CTSB: variants seen among roughly 807,000 people sequenced by gnomAD.
CTSB encodes the protein cathepsin B.
In CTSB, 57 loss-of-function variants were observed where a neutral mutation model predicts 44.3. The observed-to-expected ratio is 1.29, with a 90% CI of 1.04 to 1.60. The LOEUF is 1.60. Ranked by LOEUF, CTSB falls within the 40% of genes most tolerant of loss-of-function variation. The pLI is 0.00. For synonymous variants in CTSB, 320 were observed against 168.0 expected, an observed-to-expected ratio of 1.91 and a Z score of -7.00; for missense variants, 768 against 443.0, an observed-to-expected ratio of 1.73 and a Z score of -6.59.
chr8:11,853,213 A>G (rs1814916723), intron 2 of CTSB, 116 bp downstream of exon 2: 2 of 1,417,776 alleles, frequency 1.4e-6, no homozygotes, highest in Non-Finnish European at 1.9e-6. Flanking sequence ...CCATTTTTCA[A>G]CAGTCCAGGA....
At position 11,852,077 on chromosome 8, in the gene CTSB, C is replaced by A. The variant is rs531055548; in HGVS notation, c.212+533G>T. Among the ~76,000 whole-genome samples, 5 of 152,264 alleles carry A rather than the reference C, an allele frequency of 3.3e-5. No individual in the cohort carries two copies. In the South Asian group the frequency reaches 1.0e-3, roughly 32 times the overall value. ...CTGCGGCTGAGACACCTTGGAGAAGCACAATAGAAAACACTGGGGGTGGCT... is the reference window on the plus strand; with the variant it reads ...CTGCGGCTGAGACACCTTGGAGAAGAACAATAGAAAACACTGGGGGTGGCT... On this transcript the variant is annotated intron_variant, in intron 3 of 9. Transcript: ENST00000353047.
chr8:11,868,029 C>T lies in CTSB; in HGVS notation c.-54G>A, dbSNP rs1817435629. 1 of 152,720 alleles carries T rather than the reference C, an allele frequency of 6.5e-6. No individual in the cohort carries two copies. The highest frequency in any genetic ancestry group is 1.5e-5 in the Non-Finnish European group (1 of 68,518). The allele number at this position is 152,720 out of a possible 1,614,324, so 9.5% of individuals were successfully genotyped here. ...GCGCTGCAGCCGAGAGCCTGCAGCC[C>T]AGCCTGCGCGCAGCGGAGCGGTTGG... On this transcript the variant is annotated 5_prime_UTR_variant, in exon 1 of 10. Coordinates refer to ENST00000353047, the MANE Select transcript of CTSB (RefSeq NM_001908.5).
At chr8:11,849,273 C>A (rs540083337) in intron 4 of CTSB, 109 bp from the exon 5 acceptor site, 3 of 736,644 alleles carry the variant, frequency 4.1e-6, no homozygotes, top group African/African-American at 1.7e-5. Context: ...GGCAACTGAT[C>A]TCTCAACACC....
intron 1 of CTSB, among the ~76,000 whole-genome samples, chr8:11,860,231 G>C (rs956915675): frequency 6.6e-6 from 1 of 152,154 alleles, no homozygotes. Context: ...CAAAAAAAGT[G>C]AAAGAATTCT....
At chr8:11,860,516 C>T (rs1360780778) in intron 1 of CTSB, among the ~76,000 whole-genome samples, 1 of 152,082 alleles carries the variant, frequency 6.6e-6, no homozygotes, top group African/African-American at 2.4e-5. Context: ...CCCAACTACT[C>T]GGGAGGCTGA....
chr8:11,845,582 T>G (rs1813145941), intron 9 of CTSB, 79 bp downstream of exon 9: 9 of 1,537,474 alleles, frequency 5.9e-6, no homozygotes, highest in Non-Finnish European at 7.1e-6. Context: ...GTGCGGTGGG[T>G]AGAACAGAGA....
chr8:11,862,988 C>G (rs1369653014), intron 1 of CTSB, among the ~76,000 whole-genome samples: 2 of 152,162 alleles, frequency 1.3e-5, no homozygotes, highest in African/African-American at 4.8e-5. Flanking sequence ...CTGCCAGCCA[C>G]ACATCCTTCT....
chr8:11,846,634 T>TG (rs1554541382), intron 8 of CTSB, among the ~76,000 whole-genome samples: 1 of 151,984 alleles, frequency 6.6e-6, no homozygotes, highest in African/African-American at 2.4e-5. Context: ...AAGAGAAAGA[T>TG]GAAGAAAATG....
rs530833601 is a variant in CTSB, at chr8:11,845,333, GC to G, written c.923-112del. The G allele has an allele frequency of 3.5e-4, 282 of 809,932 alleles. 3 individuals are homozygous for G. The Middle Eastern group carries it at 0.012, about 36-fold the overall frequency. 50.2% of individuals were successfully genotyped at this position (809,932 alleles called of 1,614,324 possible). A position where few individuals can be genotyped will look rare whatever the true frequency, so the allele number is the denominator to read the frequency against. ...TCATCCCTGGCCACTCCTGCTGTTG[GC>G]CCACTAGCACAGTCCTCAACACCAC... On this transcript the variant is annotated intron_variant, in intron 9 of 9. Transcript: ENST00000353047.
At chr8:11,849,753 G>C (rs895224064) in intron 4 of CTSB, among the ~76,000 whole-genome samples, 2 of 151,940 alleles carry the variant, frequency 1.3e-5, no homozygotes, top group Admixed American at 6.6e-5. Context: ...GCTAAGTTTT[G>C]TCTTTTTAGT....
chr8:11,844,909 CTG>C lies in CTSB; in HGVS notation c.*214_*215del, dbSNP rs1812973071. 2 of 567,508 alleles carry C rather than the reference CTG, an allele frequency of 3.5e-6. No homozygotes were observed. Among genetic ancestry groups the C allele is most frequent in the Non-Finnish European group, 6.3e-6 (2 of 317,350 alleles). The allele number at this position is 567,508 out of a possible 1,614,324, so 35.2% of individuals were successfully genotyped here. ...ACTAGTCTACAGGGGGAAGGACGCT[CTG>C]TGCTGGCAGCGGTGGCTCACATGGC... On this transcript the variant is annotated 3_prime_UTR_variant, in exon 10 of 10. Coordinates refer to ENST00000353047, the MANE Select transcript of CTSB (RefSeq NM_001908.5).
At chr8:11,852,791 G>C (rs1340362298) in intron 2 of CTSB, 96 bp from the exon 3 acceptor site, 10 of 1,197,288 alleles carry the variant, frequency 8.4e-6, no homozygotes, top group African/African-American at 4.5e-5. Flanking sequence ...GAAAACCAGA[G>C]ACCCTACCCA....
Position 11,850,995 on chromosome 8 carries a change from G to A in CTSB, c.213-15C>T, listed in dbSNP as rs1481321061. On this transcript the variant is annotated splice_polypyrimidine_tract_variant and intron_variant, in intron 3 of 9. Transcript: ENST00000353047. ...TAAACATAACTCTGGATAAAGGAAGGTCTTCATTACAAGCTCTGATCCCAC... is the reference window on the plus strand; with the variant it reads ...TAAACATAACTCTGGATAAAGGAAGATCTTCATTACAAGCTCTGATCCCAC... 1.3e-5 allele frequency: 20 copies of A among 1,591,414 alleles called. No homozygotes were observed. Among genetic ancestry groups the A allele is most frequent in the Admixed American group, 1.7e-5 (1 of 59,378 alleles).
chr8:11,848,980 C>T (rs547935699), intron 5 of CTSB, 66 bp downstream of exon 5: 16 of 1,203,304 alleles, frequency 1.3e-5, no homozygotes, highest in Admixed American at 1.0e-4. Flanking sequence ...AAGTCCCCTC[C>T]ACTGAGAAGC....
At chr8:11,850,671 G>T in intron 4 of CTSB, 195 bp downstream of exon 4, 1 of 475,028 alleles carries the variant, frequency 2.1e-6, no homozygotes, top group South Asian at 2.9e-5. Flanking sequence ...TGGATGCTCT[G>T]CCCGCCACTC....
intron 8 of CTSB, 124 bp downstream of exon 8, chr8:11,846,928 G>A: frequency 1.4e-6 from 1 of 695,482 alleles, no homozygotes; most frequent in Non-Finnish European, 2.6e-6. Context: ...GCCCCACACA[G>A]CCCTCTTCCC....
rs1375502107 is a variant in CTSB, at chr8:11,850,947, T to C, written c.246A>G (p.Ala82=). 1 of 1,613,232 alleles carries C rather than the reference T, an allele frequency of 6.2e-7. No homozygotes were observed. The highest frequency in any genetic ancestry group is 1.3e-5 in the African/African-American group (1 of 74,886). ...VMFTEDLKLP[A]SFDAREQWPQ... is the part of the protein sequence containing the mutation. ...GCCATTGTTCCCGTGCATCGAAGCT[T>C]GCAGGCAGCTTCAGGTCCTCGGTAA... Residue 82 remains alanine, a synonymous_variant, in exon 4 of 10, where the codon GCA becomes GCG. Transcript: ENST00000353047.
chr8:11,853,029 C>T (rs982079485), intron 2 of CTSB, among the ~76,000 whole-genome samples: 8 of 152,126 alleles, frequency 5.3e-5, no homozygotes, highest in African/African-American at 1.4e-4. Context: ...CCACGGCGGG[C>T]GTCACAGGGG....
intron 1 of CTSB, among the ~76,000 whole-genome samples, chr8:11,854,388 G>A (rs1815160655): frequency 6.6e-6 from 1 of 152,170 alleles, no homozygotes; most frequent in Admixed American, 6.5e-5. Context: ...CTGGCACCTA[G>A]GGGTTCTATC....
Sources: allele counts gnomAD v4.1 joint callset (sites outside exome capture counted in the v4.1 genomes callset), GRCh38; gene constraint gnomAD v4.1.1; transcripts MANE v1.5; gene names NCBI Gene and HGNC (gene_info 2026-07-23, HGNC 2026-07-21).